Variants in EYS observed in about 807,000 individuals in gnomAD.
EYS encodes protein eyes shut homolog.
A neutral mutation model predicts 282.1 loss-of-function variants in EYS; 250 were observed. The observed-to-expected ratio is 0.89, with a 90% CI of 0.80 to 0.98. The LOEUF is 0.98. EYS is among the 50% of genes least tolerant of loss of function. The pLI is 0.00. For synonymous variants in EYS, 1,355 were observed against 1,282.9 expected, an observed-to-expected ratio of 1.06 and a Z score of -1.20; for missense variants, 4,016 against 3,709.0, an observed-to-expected ratio of 1.08 and a Z score of -2.15.
intron 35 of EYS, among the ~76,000 whole-genome samples, chr6:63,906,269 T>G (rs1053958860): frequency 1.3e-5 from 2 of 152,236 alleles, no homozygotes; most frequent in Non-Finnish European, 2.9e-5. Context: ...ATATTTTTAG[T>G]CTACTGTACT....
At chr6:64,676,103 G>A (rs926616286) in intron 22 of EYS, among the ~76,000 whole-genome samples, 4 of 146,434 alleles carry the variant, frequency 2.7e-5, no homozygotes, top group African/African-American at 9.9e-5. Flanking sequence ...GAGAGAGAGA[G>A]AGCCATTTAA....
At chr6:65,232,461 A>G (rs1165536462) in intron 12 of EYS, among the ~76,000 whole-genome samples, 1 of 152,072 alleles carries the variant, frequency 6.6e-6, no homozygotes, top group Non-Finnish European at 1.5e-5. Flanking sequence ...CAAATTTCTT[A>G]ACATGCTCTA....
chr6:65,023,303 G>T (rs867750323), intron 13 of EYS, among the ~76,000 whole-genome samples: 8 of 151,932 alleles, frequency 5.3e-5, no homozygotes, highest in Admixed American at 2.0e-4. Flanking sequence ...GTCAGAAAAA[G>T]TTCAGATACC....
intron 12 of EYS, among the ~76,000 whole-genome samples, chr6:65,185,387 T>C (rs1298078417): frequency 6.6e-6 from 1 of 151,828 alleles, no homozygotes; most frequent in Non-Finnish European, 1.5e-5. Context: ...CCACCAGCTC[T>C]GAAATCTTAG....
intron 12 of EYS, among the ~76,000 whole-genome samples, chr6:65,235,743 T>G (rs1345286834): frequency 1.3e-5 from 2 of 152,190 alleles, no homozygotes; most frequent in Non-Finnish European, 2.9e-5. Context: ...GAATTATGTG[T>G]GCACCTCTTA....
chr6:64,117,436 T>A (rs1461769993), intron 31 of EYS, among the ~76,000 whole-genome samples: 2 of 151,208 alleles, frequency 1.3e-5, no homozygotes, highest in African/African-American at 2.4e-5. Context: ...GTTGGTTTTT[T>A]AAAAACATCA....
rs149746690 is a variant in EYS at position 65,138,601 on chromosome 6, T to C, written c.2024-80874A>G. ...GCTAGTAATCCTAGGATCCGAGAAA[T>C]AACATATTGGTGAGCACACTGGGTT... On this transcript the variant is annotated intron_variant, in intron 12 of 42. Transcript: ENST00000503581. Among the ~76,000 whole-genome samples, 7 of 152,068 alleles carry C rather than the reference T, an allele frequency of 4.6e-5. No individual in the cohort carries two copies. In the East Asian group the frequency reaches 1.2e-3, roughly 25 times the overall value.
intron 28 of EYS, among the ~76,000 whole-genome samples, chr6:64,418,298 T>TG: frequency 6.6e-6 from 1 of 152,222 alleles, no homozygotes; most frequent in East Asian, 1.9e-4. Context: ...TTGATACATA[T>TG]TAAAGTATGT....
chr6:64,069,990 C>A (rs1041277620), intron 32 of EYS, among the ~76,000 whole-genome samples: 1 of 151,888 alleles, frequency 6.6e-6, no homozygotes, highest in African/African-American at 2.4e-5. Flanking sequence ...TAATAGGAGA[C>A]AGCTGGATTA....
At chr6:64,122,502 G>A (rs1018819082) in intron 31 of EYS, among the ~76,000 whole-genome samples, 1 of 152,056 alleles carries the variant, frequency 6.6e-6, no homozygotes, top group East Asian at 1.9e-4. Flanking sequence ...GAGTACTGGG[G>A]AGTGGTTAAG....
At chr6:65,024,146 C>G (rs1285413780) in intron 13 of EYS, among the ~76,000 whole-genome samples, 1 of 152,038 alleles carries the variant, frequency 6.6e-6, no homozygotes, top group Non-Finnish European at 1.5e-5. Context: ...CCTCTGTAAA[C>G]TTCTATCATT....
At chr6:64,810,893 T>C (rs1764572077) in intron 22 of EYS, among the ~76,000 whole-genome samples, 1 of 152,076 alleles carries the variant, frequency 6.6e-6, no homozygotes, top group Non-Finnish European at 1.5e-5. Flanking sequence ...AGTATAAAGA[T>C]AATAACAACA....
chr6:64,023,806 GC>G (rs1769321148), intron 33 of EYS, among the ~76,000 whole-genome samples: 1 of 152,198 alleles, frequency 6.6e-6, no homozygotes, highest in African/African-American at 2.4e-5. Context: ...CTGGGGCTGT[GC>G]CGCGGTGTTT....
At chr6:64,302,592 A>T (rs776194630) in intron 30 of EYS, among the ~76,000 whole-genome samples, 1 of 152,020 alleles carries the variant, frequency 6.6e-6, no homozygotes, top group Non-Finnish European at 1.5e-5. Flanking sequence ...CAATTTTGTC[A>T]CACGTGGAAT....
intron 13 of EYS, among the ~76,000 whole-genome samples, chr6:65,037,007 C>T (rs4410714): frequency 0.054 from 8,161 of 151,968 alleles, 217 homozygotes; most frequent in Middle Eastern, 0.092. Flanking sequence ...TATGCATGCA[C>T]ATGTATGTTC....
chr6:64,054,606 A>G (rs1770921196), intron 33 of EYS, among the ~76,000 whole-genome samples: 1 of 152,288 alleles, frequency 6.6e-6, no homozygotes, highest in African/African-American at 2.4e-5. Flanking sequence ...TCATTTAAAG[A>G]ATATTTCAGG....
intron 22 of EYS, among the ~76,000 whole-genome samples, chr6:64,798,493 C>T (rs749646869): frequency 1.6e-4 from 24 of 151,450 alleles, no homozygotes; most frequent in African/African-American, 5.1e-4. Context: ...CAAGCACATG[C>T]GACGGATGCC....
At chr6:64,823,625 C>T (rs1764963939) in intron 19 of EYS, among the ~76,000 whole-genome samples, 1 of 152,070 alleles carries the variant, frequency 6.6e-6, no homozygotes, top group East Asian at 1.9e-4. Context: ...TGTGCCCTGC[C>T]CTTAAGGCTT....
chr6:64,214,409 G>A (rs1167625299), intron 31 of EYS, among the ~76,000 whole-genome samples: 1 of 152,092 alleles, frequency 6.6e-6, no homozygotes, highest in Non-Finnish European at 1.5e-5. Flanking sequence ...AAAAGCAAAA[G>A]ACATTGTTAC....
Sources: gnomAD v4.1 joint callset for allele counts (sites outside exome capture counted in the v4.1 genomes callset) on GRCh38, gnomAD v4.1.1 for gene constraint, MANE v1.5 for transcripts, NCBI Gene and HGNC (gene_info 2026-07-23, HGNC 2026-07-21) for gene names.